Variants in CAPRIN1 observed in about 807,000 individuals in gnomAD.
CAPRIN1 encodes the protein caprin-1.
A neutral mutation model predicts 100.9 loss-of-function variants in CAPRIN1; 29 were observed. That is an observed-to-expected ratio of 0.29 (90% CI 0.21 to 0.39). CAPRIN1 has a LOEUF of 0.39. Among genes scored for constraint, CAPRIN1 ranks in the 10% least tolerant of loss-of-function variants. The pLI, the probability that CAPRIN1 is intolerant of heterozygous loss-of-function variation, is 1.00. For missense variants in CAPRIN1, 795 were observed against 876.7 expected, an observed-to-expected ratio of 0.91 and a Z score of 1.18; for synonymous variants, 338 against 307.5, an observed-to-expected ratio of 1.10 and a Z score of -1.04.
intron 11 of CAPRIN1, among the ~76,000 whole-genome samples, chr11:34,089,185 C>G (rs1851209339): frequency 8.1e-6 from 1 of 124,222 alleles, no homozygotes; most frequent in African/African-American, 3.1e-5. Flanking sequence ...GGGAGGATCA[C>G]TTGAGCCTGG....
chr11:34,052,046 C>T (rs967279725), intron 1 of CAPRIN1, 175 bp downstream of exon 1: 27 of 150,244 alleles, frequency 1.8e-4, no homozygotes, highest in African/African-American at 6.3e-4. Context: ...TCTCTTTCCT[C>T]CCTTCTCCGG....
chr11:34,098,471 A>G (rs1851404074), intron 18 of CAPRIN1: 8 of 985,368 alleles, frequency 8.1e-6, no homozygotes, highest in African/African-American at 1.7e-5. Context: ...TGTAGTCTGA[A>G]ATTCTAAATG....
At chr11:34,065,683 A>G (rs1229337965) in intron 2 of CAPRIN1, among the ~76,000 whole-genome samples, 2 of 152,234 alleles carry the variant, frequency 1.3e-5, no homozygotes, top group African/African-American at 2.4e-5. Context: ...GTATACCTCA[A>G]TAGCTGAGAG....
At chr11:34,059,545 T>A (rs531816844) in intron 2 of CAPRIN1, among the ~76,000 whole-genome samples, 5 of 152,346 alleles carry the variant, frequency 3.3e-5, no homozygotes, top group African/African-American at 9.6e-5. Flanking sequence ...TTGACATTTT[T>A]ATATTGCCTT....
chr11:34,051,912 G>A (rs1190701202), intron 1 of CAPRIN1, 41 bp downstream of exon 1: 1 of 152,114 alleles, frequency 6.6e-6, no homozygotes, highest in Non-Finnish European at 1.5e-5. Context: ...GGGGAAGAGG[G>A]CCGCTGCGCC....
intron 7 of CAPRIN1, among the ~76,000 whole-genome samples, chr11:34,082,322 G>T (rs1270899163): frequency 3.3e-5 from 5 of 151,738 alleles, no homozygotes; most frequent in Admixed American, 6.6e-5. Flanking sequence ...TGAGTAGCTG[G>T]GATTGCAGGC....
chr11:34,098,357 AAAT>A, intron 18 of CAPRIN1: 1 of 985,070 alleles, frequency 1.0e-6, no homozygotes, highest in Non-Finnish European at 1.2e-6. Flanking sequence ...TACTTAAAAA[AAAT>A]TACAGGTTTA....
chr11:34,086,580 A>T (rs1278308712), intron 11 of CAPRIN1, among the ~76,000 whole-genome samples, 167 bp downstream of exon 11: 1 of 152,242 alleles, frequency 6.6e-6, no homozygotes, highest in Non-Finnish European at 1.5e-5. Context: ...GATTTGAATT[A>T]AAAATGTAGT....
In CAPRIN1 at chr11:34,086,094, G is replaced by A. The variant is rs765697606; in HGVS notation, c.997G>A (p.Ala333Thr). 1 of 1,613,916 alleles carries A rather than the reference G, an allele frequency of 6.2e-7. No individual in the cohort carries two copies. Among genetic ancestry groups the A allele is most frequent in the South Asian group, 1.1e-5 (1 of 91,072 alleles). Reference protein sequence around the residue: ...VVNSLQQQPQAASPSVPEPHS... With the variant: ...VVNSLQQQPQTASPSVPEPHS... ...AAATTCACTCCAGCAGCAACCTCAG[G>A]CTGCATCCCCTTCAGTACCAGAGCC... is the stretch of plus-strand genomic sequence containing the variant. The change falls in exon 10 of 19, where the codon GCT becomes ACT. Residue 333 changes from alanine (A) to threonine (T), a missense_variant. Coordinates refer to ENST00000341394, the MANE Select transcript of CAPRIN1 (RefSeq NM_005898.5).
chr11:34,083,180 A>C, intron 9 of CAPRIN1, 139 bp downstream of exon 9: 1 of 633,814 alleles, frequency 1.6e-6, no homozygotes, highest in South Asian at 2.0e-5. Flanking sequence ...CCAGACTGTT[A>C]CTTCCAAAAA....
intron 2 of CAPRIN1, among the ~76,000 whole-genome samples, chr11:34,066,982 T>TGCAGTGACACAATCTCGAC (rs2134097633): frequency 6.7e-6 from 1 of 150,036 alleles, no homozygotes; most frequent in East Asian, 2.0e-4. Flanking sequence ...CGGGCTGGAA[T>TGCAGTGACACAATCTCGAC]GCAGTGACAC....
chr11:34,097,377 A>C, intron 17 of CAPRIN1, 81 bp downstream of exon 17: 1 of 1,171,392 alleles, frequency 8.5e-7, no homozygotes, highest in African/African-American at 1.5e-5. Context: ...TAATGAACCT[A>C]AGTAACTAAT....
At chr11:34,075,405 A>G (rs1191811665) in intron 4 of CAPRIN1, among the ~76,000 whole-genome samples, 2 of 152,176 alleles carry the variant, frequency 1.3e-5, no homozygotes, top group African/African-American at 4.8e-5. Flanking sequence ...TACACGGGAG[A>G]GGGAGAGGAA....
intron 15 of CAPRIN1, among the ~76,000 whole-genome samples, chr11:34,094,166 G>A (rs1375583472): frequency 6.6e-6 from 1 of 151,902 alleles, no homozygotes; most frequent in Admixed American, 6.6e-5. Context: ...GAAATAATAT[G>A]TATACATTGT....
chr11:34,082,794 T>C (rs765290919), intron 7 of CAPRIN1, 31 bp from the exon 8 acceptor site: 6 of 1,595,420 alleles, frequency 3.8e-6, no homozygotes, highest in Admixed American at 1.7e-5. Flanking sequence ...CTAAAAATCC[T>C]TTTGTTTTGC....
At chr11:34,096,250 C>CA (rs1488328242) in intron 15 of CAPRIN1, 1 of 419,528 alleles carries the variant, frequency 2.4e-6, no homozygotes, top group Non-Finnish European at 4.2e-6. Context: ...ACCCTGCTTT[C>CA]AAAGGTTTGG....
At chr11:34,091,716 A>G (rs1004525285) in intron 14 of CAPRIN1, 190 bp from the exon 15 acceptor site, 9 of 554,654 alleles carry the variant, frequency 1.6e-5, no homozygotes, top group African/African-American at 1.5e-4. Flanking sequence ...TTTAAGTACT[A>G]TATGGTATAT....
rs1444300359 is a variant in CAPRIN1, at chr11:34,071,862, TTG to T, written c.280-37_280-36del. ...AGACAAAAATTAATTCTGTGGTTTT[TTG>T]TCTTTCCAGTAAAGTTTGGGTTCTT... On this transcript the variant is annotated intron_variant, in intron 3 of 18. Coordinates refer to ENST00000341394, the MANE Select transcript of CAPRIN1 (RefSeq NM_005898.5). 4 of 1,595,566 alleles carry T rather than the reference TTG, an allele frequency of 2.5e-6. No individual in the cohort carries two copies. In the South Asian group the frequency reaches 4.4e-5, roughly 18 times the overall value.
intron 13 of CAPRIN1, 21 bp from the exon 14 acceptor site, chr11:34,090,508 A>G (rs753239257): frequency 6.2e-7 from 1 of 1,606,558 alleles, no homozygotes; most frequent in South Asian, 1.1e-5. Context: ...GCTAAAGTGC[A>G]TCTATTCACT....
Sources: allele counts gnomAD v4.1 joint callset (sites outside exome capture counted in the v4.1 genomes callset), GRCh38; gene constraint gnomAD v4.1.1; transcripts MANE v1.5; gene names NCBI Gene and HGNC (gene_info 2026-07-23, HGNC 2026-07-21).